CAPN13: variants seen among roughly 807,000 people sequenced by gnomAD.
CAPN13 encodes calpain-13.
In CAPN13, 90 loss-of-function variants were observed where a neutral mutation model predicts 98.4. The ratio of observed to expected loss-of-function variants is 0.92; its 90% CI spans 0.77 to 1.09. CAPN13 has a LOEUF of 1.09. Ranked by LOEUF, CAPN13 falls within the 50% of genes least tolerant of loss-of-function variation. The pLI, the probability that CAPN13 is intolerant of heterozygous loss-of-function variation, is 0.00. For missense variants in CAPN13, 887 were observed against 841.3 expected (o/e 1.05, Z -0.67); for synonymous variants, 330 against 305.5 (o/e 1.08, Z -0.84).
chr2:30,743,555 C>A lies in CAPN13; in HGVS notation c.1273G>T (p.Val425Leu), dbSNP rs771518743. The change falls in exon 13 of 23, where the codon GTG (valine) becomes TTG (leucine). Residue 425 changes from valine to leucine, a missense_variant. Transcript: ENST00000295055. ...SQRFREKFPP[V>L]FFSSFRNTVQ... The stretch of plus-strand genomic sequence containing the variant: ...GTGTTTCTGAACGAGGAAAAAAACA[C>A]GGGTGGAAATTTCTCCCGGAACCGC... The A allele has an allele frequency of 6.2e-7, 1 of 1,613,874 alleles. No individual in the cohort carries two copies. The highest frequency in any genetic ancestry group is 1.1e-5 in the South Asian group (1 of 91,074).
chr2:30,794,118 A>T (rs1674734680), intron 1 of CAPN13, among the ~76,000 whole-genome samples: 1 of 151,790 alleles, frequency 6.6e-6, no homozygotes, highest in Admixed American at 6.6e-5. Flanking sequence ...AAAAATGCAA[A>T]TTTCAGACTA....
In CAPN13 at chr2:30,787,298, C is replaced by A. The variant is rs1357436125; in HGVS notation, c.28G>T (p.Glu10Ter). 1 of 1,613,028 alleles carries A rather than the reference C, an allele frequency of 6.2e-7. No homozygotes were observed. Among genetic ancestry groups the A allele is most frequent in the Non-Finnish European group, 8.5e-7 (1 of 1,179,640 alleles). ...TCTTTGAACTTGATGATGGAGGTCT[C>A]CACTGAAGGCTCCTGGTAATACGCC... MAYYQEPSV[E>*]TSIIKFKDQD... Residue 10 changes from glutamate (E) to a stop codon, truncating the protein, a stop_gained, in exon 2 of 23, where the codon GAG becomes TAG. Coordinates refer to ENST00000295055, the MANE Select transcript of CAPN13 (RefSeq NM_144575.3). LOFTEE classifies it high-confidence loss of function.
At chr2:30,741,455 T>G in intron 15 of CAPN13, 1 of 1,004,662 alleles carries the variant, frequency 1.0e-6, no homozygotes, top group African/African-American at 1.7e-5. Flanking sequence ...TAACAGTTTA[T>G]TAAGCCATTA....
chr2:30,754,610 A>G (rs566217576), intron 8 of CAPN13, among the ~76,000 whole-genome samples: 1 of 152,194 alleles, frequency 6.6e-6, no homozygotes, highest in East Asian at 1.9e-4. Flanking sequence ...CACATTTCCA[A>G]GAGAGTCCCA....
At chr2:30,791,605 C>T (rs184486682) in intron 1 of CAPN13, among the ~76,000 whole-genome samples, 1 of 152,346 alleles carries the variant, frequency 6.6e-6, no homozygotes, top group East Asian at 1.9e-4. Context: ...GTGTTTCACA[C>T]ATATAACCAG....
At chr2:30,744,245 G>T (rs1355865264) in intron 12 of CAPN13, among the ~76,000 whole-genome samples, 1 of 152,214 alleles carries the variant, frequency 6.6e-6, no homozygotes, top group African/African-American at 2.4e-5. Context: ...AGCAGGAAAT[G>T]ATTATTTATG....
chr2:30,794,495 C>T (rs1674757229), intron 1 of CAPN13, among the ~76,000 whole-genome samples: 1 of 151,874 alleles, frequency 6.6e-6, no homozygotes, highest in Non-Finnish European at 1.5e-5. Flanking sequence ...TGGCAGTTTC[C>T]TAAAATGTTA....
rs1316584552 is a variant in CAPN13, at chr2:30,753,193, G to A, written c.947C>T (p.Ser316Leu). ...GAATTTCTGTTGGAAATCTTGACAC[G>A]ACATCCTGTTAAAAACAGATATACA... The part of the protein sequence containing the change: ...KKREDGEFWM[S>L]CQDFQQKFIA... The change falls in exon 10 of 23, where the codon TCG (serine) becomes TTG (leucine). Residue 316 changes from serine to leucine, a missense_variant. By Grantham distance (145) the Ser-to-Leu change is moderately radical (BLOSUM62 -2). Coordinates refer to ENST00000295055, the MANE Select transcript of CAPN13 (RefSeq NM_144575.3). The A allele has an allele frequency of 6.2e-7, 1 of 1,613,956 alleles. No homozygotes were observed. The highest frequency in any genetic ancestry group is 1.1e-5 in the South Asian group (1 of 91,060).
rs752528587 is a variant in CAPN13 at position 30,770,485 on chromosome 2, G to A, written c.388-36C>T. 6 of 1,604,954 alleles carry A rather than the reference G, an allele frequency of 3.7e-6. No homozygotes were observed. In the East Asian group the frequency reaches 1.3e-4, roughly 36 times the overall value. On this transcript the variant is annotated intron_variant, in intron 4 of 22. Transcript: ENST00000295055. ...GCCAAGCATATGCTTTGACAGAGTTGAGGCAGAAGGGAGCTCCTGGGTCCC... is the reference window on the plus strand; with the variant it reads ...GCCAAGCATATGCTTTGACAGAGTTAAGGCAGAAGGGAGCTCCTGGGTCCC...
chr2:30,803,965 A>T (rs1280558670), intron 1 of CAPN13, among the ~76,000 whole-genome samples: 1 of 152,174 alleles, frequency 6.6e-6, no homozygotes, highest in Admixed American at 6.5e-5. Context: ...AGCTCTGCAG[A>T]TTGGTAAAAG....
chr2:30,742,409 AG>A, intron 13 of CAPN13, 50 bp from the exon 14 acceptor site: 3 of 1,581,510 alleles, frequency 1.9e-6, no homozygotes, highest in Non-Finnish European at 1.7e-6. Flanking sequence ...CACCACTCAA[AG>A]GGGGCCTGCA....
chr2:30,732,605 G>C (rs1671161610), intron 19 of CAPN13, 39 bp from the exon 20 acceptor site: 2 of 1,584,286 alleles, frequency 1.3e-6, no homozygotes, highest in East Asian at 4.6e-5. Flanking sequence ...GAGGAGGCTA[G>C]GGCTCGGGGG....
In CAPN13 at chr2:30,742,375, A is replaced by T. The variant is rs754179664; in HGVS notation, c.1446-16T>A. The T allele has an allele frequency of 6.2e-7, 1 of 1,601,842 alleles. No individual in the cohort carries two copies. Among genetic ancestry groups the T allele is most frequent in the South Asian group, 1.1e-5 (1 of 88,454 alleles). ...GCTCAGGTGCCTAGAAAATCAGAGG[A>T]CAGTGTGACAAAGATGACCAGCTCA... On this transcript the variant is annotated splice_polypyrimidine_tract_variant and intron_variant, in intron 13 of 22. Coordinates refer to ENST00000295055, the MANE Select transcript of CAPN13 (RefSeq NM_144575.3).
At chr2:30,733,685 G>T (rs943912830) in intron 19 of CAPN13, among the ~76,000 whole-genome samples, 1 of 152,130 alleles carries the variant, frequency 6.6e-6, no homozygotes, top group African/African-American at 2.4e-5. Flanking sequence ...GCTACAGGTG[G>T]GGGCAACGGT....
Position 30,742,375 on chromosome 2 carries a change from A to G in CAPN13, c.1446-16T>C, listed in dbSNP as rs754179664. ...GCTCAGGTGCCTAGAAAATCAGAGG[A>G]CAGTGTGACAAAGATGACCAGCTCA... On this transcript the variant is annotated splice_polypyrimidine_tract_variant and intron_variant, in intron 13 of 22. Coordinates refer to ENST00000295055, the MANE Select transcript of CAPN13 (RefSeq NM_144575.3). 20 of 1,601,724 alleles carry G rather than the reference A, an allele frequency of 1.2e-5. No individual in the cohort carries two copies. In the East Asian group the frequency reaches 3.6e-4, roughly 29 times the overall value.
At chr2:30,779,918 G>T (rs1225954944) in intron 2 of CAPN13, among the ~76,000 whole-genome samples, 2 of 152,008 alleles carry the variant, frequency 1.3e-5, no homozygotes, top group Admixed American at 6.5e-5. Context: ...TTGAGGGAGG[G>T]TTACATAGAC....
intron 22 of CAPN13, among the ~76,000 whole-genome samples, chr2:30,728,216 G>A (rs941081266): frequency 6.6e-6 from 1 of 150,468 alleles, no homozygotes; most frequent in African/African-American, 2.5e-5. Flanking sequence ...TCTTTTTTGT[G>A]GTGATAAAAA....
intron 7 of CAPN13, among the ~76,000 whole-genome samples, chr2:30,762,206 A>C (rs993979941): frequency 1.3e-5 from 2 of 152,168 alleles, no homozygotes; most frequent in Non-Finnish European, 2.9e-5. Context: ...CATCTCTCCT[A>C]TCAGGTCTCA....
chr2:30,785,263 T>C (rs991294245), intron 2 of CAPN13, among the ~76,000 whole-genome samples: 3 of 152,282 alleles, frequency 2.0e-5, no homozygotes, highest in African/African-American at 4.8e-5. Context: ...TCTAATCATG[T>C]CACCTTGGCA....
Sources: allele counts gnomAD v4.1 joint callset (sites outside exome capture counted in the v4.1 genomes callset), GRCh38; gene constraint gnomAD v4.1.1; transcripts MANE v1.5; gene names NCBI Gene and HGNC (gene_info 2026-07-23, HGNC 2026-07-21).